Variants in MGA observed in about 807,000 individuals in gnomAD.
MGA encodes MAX dimerization protein MGA, also known as MAX gene-associated protein.
MGA carries 40 observed loss-of-function variants against 261.1 expected under a neutral mutation model. The observed-to-expected ratio is 0.15, with a 90% CI of 0.12 to 0.20. MGA has a LOEUF of 0.20. Among genes scored for constraint, MGA ranks in the 10% least tolerant of loss-of-function variants. The pLI is 1.00. For synonymous variants in MGA, 1,302 were observed against 1,290.6 expected (o/e 1.01, Z -0.19); for missense variants, 3,397 against 3,630.5 (o/e 0.94, Z 1.65).
intron 2 of MGA, among the ~76,000 whole-genome samples, chr15:41,675,462 C>T (rs1285452473): frequency 6.6e-6 from 1 of 151,888 alleles, no homozygotes; most frequent in African/African-American, 2.4e-5. Context: ...TAGCCTTGAC[C>T]TCTTGGGCTT....
At chr15:41,701,067 T>C (rs996757035) in intron 5 of MGA, among the ~76,000 whole-genome samples, 9 of 152,244 alleles carry the variant, frequency 5.9e-5, no homozygotes, top group African/African-American at 1.9e-4. Context: ...TGGATTGTAA[T>C]AGACAGTCAC....
At chr15:41,744,260 A>G (rs993334651) in intron 15 of MGA, among the ~76,000 whole-genome samples, 1 of 151,886 alleles carries the variant, frequency 6.6e-6, no homozygotes, top group Admixed American at 6.6e-5. Flanking sequence ...CTGGAGTACA[A>G]TGGCAGAATC....
chr15:41,754,960 T>G (rs764411825), intron 18 of MGA, among the ~76,000 whole-genome samples: 3 of 152,236 alleles, frequency 2.0e-5, no homozygotes, highest in African/African-American at 7.2e-5. Context: ...ATAACTGATA[T>G]AAGTGGACTA....
Position 41,696,574 on chromosome 15 carries a change from T to G in MGA, c.1564T>G (p.Leu522Val), listed in dbSNP as rs758005338. The G allele has an allele frequency of 6.2e-7, 1 of 1,613,994 alleles. No homozygotes were observed. Among genetic ancestry groups the G allele is most frequent in the Non-Finnish European group, 8.5e-7 (1 of 1,179,890 alleles). Residue 522 changes from leucine (L) to valine (V), a missense_variant, in exon 3 of 24, where the codon TTA becomes GTA. Physicochemically the swap from Leu to Val is conservative, Grantham distance 32 (BLOSUM62 1). Around this residue, in one of 9 missense-constraint regions of MGA, gnomAD observed 563 missense variants for 563.6 expected, o/e 1.00. Transcript: ENST00000219905. ...AAATTCCAATGAGACTGCCTTCTGC[T>G]TAGGCAAGGAATCAGAAAATGGTCT... is the stretch of plus-strand genomic sequence containing the variant.
At chr15:41,688,900 A>G (rs1419071928) in intron 2 of MGA, among the ~76,000 whole-genome samples, 3 of 152,142 alleles carry the variant, frequency 2.0e-5, no homozygotes, top group Non-Finnish European at 2.9e-5. Context: ...GCTTGTATAC[A>G]TATATAGCTG....
chr15:41,722,198 C>T (rs1315092963), intron 9 of MGA, among the ~76,000 whole-genome samples: 39 of 145,710 alleles, frequency 2.7e-4, no homozygotes, highest in Non-Finnish European at 5.9e-5. Flanking sequence ...GGTGCGACCT[C>T]GGCTCACTGC....
At position 41,696,896 on chromosome 15, in the gene MGA, C is replaced by T. The variant is rs372877626; in HGVS notation, c.1886C>T (p.Pro629Leu). Residue 629 changes from proline to leucine, a missense_variant, in exon 3 of 24, where the codon CCT becomes CTT. Pro to Leu is a moderately conservative substitution (Grantham distance 98). Around this residue, in one of 9 missense-constraint regions of MGA, gnomAD observed 563 missense variants for 563.6 expected, o/e 1.00. Transcript: ENST00000219905. ...AAACTCTGTAAGGCAGGACGACCAC[C>T]TAAGAACACAGGAAAGTCTTTAATT... The T allele has an allele frequency of 2.5e-6, 4 of 1,598,546 alleles. No individual in the cohort carries two copies. The highest frequency in any genetic ancestry group is 2.3e-5 in the South Asian group (2 of 88,360).
intron 1 of MGA, 34 bp from the exon 2 acceptor site, chr15:41,668,794 T>C: frequency 1.2e-6 from 1 of 846,970 alleles, no homozygotes; most frequent in Middle Eastern, 2.7e-4. Context: ...AAAGGGTGTT[T>C]TTTGTTTTTG....
intron 5 of MGA, among the ~76,000 whole-genome samples, chr15:41,706,168 C>T (rs937520309): frequency 3.3e-5 from 5 of 149,318 alleles, no homozygotes; most frequent in African/African-American, 5.0e-5. Context: ...ACCAGGAAGG[C>T]GGAGGTTGCA....
intron 9 of MGA, among the ~76,000 whole-genome samples, chr15:41,715,065 A>T (rs1327670641): frequency 8.8e-6 from 1 of 113,164 alleles, no homozygotes; most frequent in East Asian, 2.6e-4. Flanking sequence ...TCCCTCCCCC[A>T]CTGCCCACCC....
At chr15:41,745,043 T>A (rs754663535) in intron 15 of MGA, among the ~76,000 whole-genome samples, 15 of 151,780 alleles carry the variant, frequency 9.9e-5, no homozygotes, top group Admixed American at 2.6e-4. Flanking sequence ...CACGCAGTGG[T>A]GTATATTATA....
At chr15:41,745,288 A>T (rs956667491) in intron 15 of MGA, among the ~76,000 whole-genome samples, 89 of 139,186 alleles carry the variant, frequency 6.4e-4, no homozygotes, top group African/African-American at 2.0e-3. Flanking sequence ...CAATAAAAAA[A>T]AAAAAAAAAA....
rs557208537 is a variant in MGA at position 41,759,891 on chromosome 15, G to A, written c.7192-432G>A. 2.0e-5 allele frequency among the ~76,000 whole-genome samples: 3 copies of A among 152,278 alleles called. No individual in the cohort carries two copies. The East Asian group carries it at 5.8e-4, about 29-fold the overall frequency. On this transcript the variant is annotated intron_variant, in intron 19 of 23. Transcript: ENST00000219905. ...TTTCTAGCAGATAGGAATGGTTGGA[G>A]AGAAAGGTGATTTAGAAGAGTGGCA...
At chr15:41,699,225 TTTTTC>T in intron 5 of MGA, 66 bp downstream of exon 5, 1 of 1,031,102 alleles carries the variant, frequency 9.7e-7, no homozygotes. Flanking sequence ...GTTTCTCCTC[TTTTTC>T]CTCTCTCTTT....
chr15:41,739,779 T>G, intron 13 of MGA, 127 bp from the exon 14 acceptor site: 1 of 909,910 alleles, frequency 1.1e-6, no homozygotes, highest in African/African-American at 1.7e-5. Context: ...AAAAGTCTAC[T>G]TCTTTTTCCC....
chr15:41,638,010 C>T (rs532805282), intron 1 of MGA, among the ~76,000 whole-genome samples: 22 of 132,812 alleles, frequency 1.7e-4, no homozygotes, highest in African/African-American at 4.8e-4. Context: ...GGATTACAGA[C>T]GTGAGCCACT....
intron 13 of MGA, among the ~76,000 whole-genome samples, chr15:41,737,762 C>G (rs1003213822): frequency 6.6e-6 from 1 of 151,378 alleles, no homozygotes; most frequent in African/African-American, 2.4e-5. Flanking sequence ...GGTGGATCAC[C>G]TAAGGCAAGG....
intron 1 of MGA, among the ~76,000 whole-genome samples, chr15:41,627,178 C>T (rs2056476388): frequency 6.6e-6 from 1 of 152,202 alleles, no homozygotes; most frequent in African/African-American, 2.4e-5. Flanking sequence ...GTTGGGATTA[C>T]AGGTGTGAGC....
chr15:41,749,226 T>G lies in MGA; in HGVS notation c.5619T>G (p.Ser1873=), dbSNP rs1256369441. ...ATCCTGTAATTCAAGCTGTTGGGTC[T>G]TCTTCAGCAGTGAATGTTATCACTC... Residue 1873 remains serine, a synonymous_variant, in exon 17 of 24, where the codon TCT becomes TCG. Coordinates refer to ENST00000219905, the MANE Select transcript of MGA (RefSeq NM_001164273.2). 1 of 1,613,792 alleles carries G rather than the reference T, an allele frequency of 6.2e-7. No individual in the cohort carries two copies. The highest frequency in any genetic ancestry group is 8.5e-7 in the Non-Finnish European group (1 of 1,179,766).
Sources: allele counts gnomAD v4.1 joint callset (sites outside exome capture counted in the v4.1 genomes callset), GRCh38; gene constraint gnomAD v4.1.1; regional missense constraint gnomAD v4.1.1; transcripts MANE v1.5; gene names NCBI Gene and HGNC (gene_info 2026-07-23, HGNC 2026-07-21).